RBFOX1: variants seen among roughly 807,000 people sequenced by gnomAD.
RBFOX1 encodes the protein RNA binding protein fox-1 homolog 1.
In RBFOX1, 8 loss-of-function variants were observed where a neutral mutation model predicts 57.7. The ratio of observed to expected loss-of-function variants is 0.14; its 90% CI spans 0.08 to 0.25. RBFOX1 has a LOEUF of 0.25. Among genes scored for constraint, RBFOX1 ranks in the 10% least tolerant of loss-of-function variants. The pLI, the probability that RBFOX1 is intolerant of heterozygous loss-of-function variation, is 1.00. For synonymous variants in RBFOX1, 326 were observed against 222.4 expected, an observed-to-expected ratio of 1.47 and a Z score of -4.15; for missense variants, 611 against 548.5, an observed-to-expected ratio of 1.11 and a Z score of -1.14.
chr16:6,468,357 G>A (rs1467181303), intron 2 of RBFOX1, among the ~76,000 whole-genome samples: 1 of 152,174 alleles, frequency 6.6e-6, no homozygotes, highest in Admixed American at 6.5e-5. Flanking sequence ...GTGCCCCACT[G>A]CTGGGCCATA....
At chr16:7,151,735 G>T (rs1404537909) in intron 4 of RBFOX1, among the ~76,000 whole-genome samples, 2 of 152,068 alleles carry the variant, frequency 1.3e-5, no homozygotes, top group Non-Finnish European at 2.9e-5. Flanking sequence ...GCCTGACCTT[G>T]TTTTCCTGCA....
intron 3 of RBFOX1, among the ~76,000 whole-genome samples, chr16:6,904,355 C>G (rs897637177): frequency 6.6e-6 from 1 of 151,892 alleles, no homozygotes; most frequent in African/African-American, 2.4e-5. Context: ...AATCCCAGCA[C>G]CTTGGAAGGC....
At chr16:7,547,982 A>G (rs2085098275) in intron 5 of RBFOX1, among the ~76,000 whole-genome samples, 1 of 152,226 alleles carries the variant, frequency 6.6e-6, no homozygotes, top group Non-Finnish European at 1.5e-5. Flanking sequence ...GGCCCATCTC[A>G]GCATTTGCCC....
At chr16:6,700,544 G>C (rs781145206) in intron 3 of RBFOX1, among the ~76,000 whole-genome samples, 5 of 152,066 alleles carry the variant, frequency 3.3e-5, no homozygotes, top group African/African-American at 4.8e-5. Context: ...TGTAATCTCA[G>C]CTATTCAGGA....
intron 4 of RBFOX1, among the ~76,000 whole-genome samples, chr16:5,979,066 C>T (rs972197757): frequency 6.6e-6 from 1 of 152,242 alleles, no homozygotes; most frequent in African/African-American, 2.4e-5. Flanking sequence ...AATGGTTTAA[C>T]TGAAACTGGG....
rs1159937252 is a variant in RBFOX1, at chr16:6,398,525, A to T, written c.-64+81468A>T. On this transcript the variant is annotated intron_variant, in intron 2 of 15. Coordinates refer to ENST00000550418, the MANE Select transcript of RBFOX1 (RefSeq NM_018723.4). ...GTACAGGCATCGGATAAATACACTC[A>T]TTCCAAATGAGGGAAATTTGCCAAA... Among the ~76,000 whole-genome samples, 5 of 152,226 alleles carry T rather than the reference A, an allele frequency of 3.3e-5. No homozygotes were observed. In the East Asian group the frequency reaches 7.7e-4, roughly 24 times the overall value.
chr16:6,496,777 T>C (rs1176751254), intron 2 of RBFOX1, among the ~76,000 whole-genome samples: 1 of 151,928 alleles, frequency 6.6e-6, no homozygotes, highest in African/African-American at 2.4e-5. Context: ...CTGGCCAACA[T>C]GGTGAAACGT....
At chr16:6,829,036 C>T (rs59828367) in intron 3 of RBFOX1, among the ~76,000 whole-genome samples, 26 of 151,834 alleles carry the variant, frequency 1.7e-4, no homozygotes, top group Admixed American at 1.3e-3. Context: ...CTTCTTGAGA[C>T]GGTGTCAAGA....
intron 3 of RBFOX1, among the ~76,000 whole-genome samples, chr16:6,923,663 A>G (rs1036876544): frequency 3.9e-5 from 6 of 152,284 alleles, no homozygotes; most frequent in African/African-American, 7.2e-5. Context: ...AGATATACCC[A>G]CACACCCTTT....
At chr16:7,160,545 T>C (rs1815257982) in intron 4 of RBFOX1, among the ~76,000 whole-genome samples, 2 of 152,150 alleles carry the variant, frequency 1.3e-5, no homozygotes, top group South Asian at 2.1e-4. Context: ...CATTAACTTG[T>C]TCTTGTTGAT....
intron 3 of RBFOX1, among the ~76,000 whole-genome samples, chr16:5,792,763 C>G (rs1969687222): frequency 6.6e-6 from 1 of 152,078 alleles, no homozygotes; most frequent in South Asian, 2.1e-4. Flanking sequence ...GAATCACTTG[C>G]ACCCTGGAGG....
At chr16:5,425,477 A>G (rs1205240892) in intron 1 of RBFOX1, among the ~76,000 whole-genome samples, 2 of 152,124 alleles carry the variant, frequency 1.3e-5, no homozygotes, top group African/African-American at 4.8e-5. Flanking sequence ...ATAGCCCCCA[A>G]GTCTCTTGGT....
At chr16:5,428,394 T>G (rs2067629309) in intron 1 of RBFOX1, among the ~76,000 whole-genome samples, 1 of 152,136 alleles carries the variant, frequency 6.6e-6, no homozygotes, top group South Asian at 2.1e-4. Context: ...CCAACAGTCC[T>G]TTTTCAACAG....
intron 1 of RBFOX1, among the ~76,000 whole-genome samples, chr16:5,445,305 C>T (rs981295769): frequency 3.3e-5 from 5 of 152,122 alleles, no homozygotes; most frequent in African/African-American, 1.2e-4. Context: ...GACTTTTCCT[C>T]CTCACTCTTC....
At chr16:6,299,859 T>A (rs1323271199) in intron 1 of RBFOX1, among the ~76,000 whole-genome samples, 3 of 152,072 alleles carry the variant, frequency 2.0e-5, no homozygotes, top group Non-Finnish European at 2.9e-5. Context: ...AACACCAACC[T>A]CAGATGGCTT....
At chr16:6,585,336 T>A (rs2097593180) in intron 2 of RBFOX1, among the ~76,000 whole-genome samples, 1 of 152,208 alleles carries the variant, frequency 6.6e-6, no homozygotes, top group Non-Finnish European at 1.5e-5. Context: ...ACATTTATGG[T>A]GTGAGGAAGT....
At chr16:7,148,934 G>C (rs536091203) in intron 4 of RBFOX1, among the ~76,000 whole-genome samples, 1 of 152,318 alleles carries the variant, frequency 6.6e-6, no homozygotes, top group Admixed American at 6.5e-5. Flanking sequence ...AGTTTAGTCT[G>C]ATGCATTTCA....
intron 3 of RBFOX1, among the ~76,000 whole-genome samples, chr16:5,689,230 T>C (rs546925371): frequency 6.6e-6 from 1 of 152,330 alleles, no homozygotes; most frequent in Admixed American, 6.5e-5. Context: ...GCTTATCAGC[T>C]CCATCACTTA....
At chr16:7,130,558 G>C (rs1336061863) in intron 4 of RBFOX1, among the ~76,000 whole-genome samples, 1 of 152,164 alleles carries the variant, frequency 6.6e-6, no homozygotes, top group Non-Finnish European at 1.5e-5. Flanking sequence ...GAATGATGGA[G>C]TGAAACAGTG....
Sources: allele counts gnomAD v4.1 joint callset (sites outside exome capture counted in the v4.1 genomes callset), GRCh38; gene constraint gnomAD v4.1.1; transcripts MANE v1.5; gene names NCBI Gene and HGNC (gene_info 2026-07-23, HGNC 2026-07-21).